MCF2L2: variants seen among roughly 807,000 people sequenced by gnomAD.
The protein encoded by MCF2L2 is probable guanine nucleotide exchange factor MCF2L2.
MCF2L2 carries 102 observed loss-of-function variants against 150.2 expected under a neutral mutation model. That is an observed-to-expected ratio of 0.68 (90% confidence interval 0.58 to 0.80). The LOEUF (loss-of-function observed/expected upper bound fraction) is 0.80. MCF2L2 is among the 30% of genes least tolerant of loss of function. The pLI is 0.00. For missense variants in MCF2L2, 1,256 were observed against 1,372.8 expected (o/e 0.91, Z 1.34); for synonymous variants, 465 against 491.3 (o/e 0.95, Z 0.71).
chr3:183,246,457 T>C (rs1431614108), intron 15 of MCF2L2, among the ~76,000 whole-genome samples: 1 of 152,254 alleles, frequency 6.6e-6, no homozygotes, highest in East Asian at 1.9e-4. Context: ...CTTTGGTGTC[T>C]GGCTTATTTC....
chr3:183,274,107 C>T (rs771554470), intron 15 of MCF2L2, among the ~76,000 whole-genome samples: 10 of 151,818 alleles, frequency 6.6e-5, no homozygotes, highest in Non-Finnish European at 1.5e-4. Context: ...CCCAACTACT[C>T]GGGAGGCTGA....
chr3:183,413,969 C>T (rs1715452461), intron 1 of MCF2L2, among the ~76,000 whole-genome samples: 2 of 152,222 alleles, frequency 1.3e-5, no homozygotes, highest in East Asian at 1.9e-4. Flanking sequence ...TAAGTGGACC[C>T]GTACAGTTCA....
At chr3:183,309,969 AT>A (rs375865149) in intron 9 of MCF2L2, 134 bp from the exon 10 acceptor site, 3,923 of 899,030 alleles carry the variant, frequency 4.4e-3, no homozygotes, top group South Asian at 6.3e-3. Flanking sequence ...TATGTTAAAA[AT>A]TTTTTTTTTG....
At chr3:183,368,641 G>A (rs1309332280) in intron 3 of MCF2L2, among the ~76,000 whole-genome samples, 3 of 152,178 alleles carry the variant, frequency 2.0e-5, no homozygotes, top group East Asian at 1.9e-4. Flanking sequence ...GCAGGTGGCT[G>A]TAATCCCAGC....
At chr3:183,343,371 AT>A (rs199910390) in intron 3 of MCF2L2, among the ~76,000 whole-genome samples, 29,418 of 140,670 alleles carry the variant, frequency 0.21, 2,802 homozygotes, top group East Asian at 0.27. Flanking sequence ...TGATAACTTG[AT>A]TTTTTTTTTT....
At chr3:183,325,092 G>A (rs1005122078) in intron 5 of MCF2L2, among the ~76,000 whole-genome samples, 1 of 121,178 alleles carries the variant, frequency 8.3e-6, no homozygotes, top group South Asian at 2.7e-4. Flanking sequence ...ACGGGAAGGG[G>A]AACATCATAC....
chr3:183,183,240 G>A (rs1318839631), intron 27 of MCF2L2, among the ~76,000 whole-genome samples: 1 of 152,162 alleles, frequency 6.6e-6, no homozygotes, highest in Non-Finnish European at 1.5e-5. Flanking sequence ...CAACTGATCT[G>A]CCCACCTCAG....
chr3:183,213,452 G>A (rs1249679690), intron 22 of MCF2L2, among the ~76,000 whole-genome samples: 1 of 151,836 alleles, frequency 6.6e-6, no homozygotes, highest in South Asian at 2.1e-4. Flanking sequence ...TTGTTTAATT[G>A]TGATAATTTA....
chr3:183,353,907 T>A (rs1348571688), intron 3 of MCF2L2, among the ~76,000 whole-genome samples: 1 of 152,104 alleles, frequency 6.6e-6, no homozygotes, highest in Non-Finnish European at 1.5e-5. Flanking sequence ...TCAGATTCCA[T>A]CCTCTCACCA....
At chr3:183,277,250 T>C (rs1026278012) in intron 14 of MCF2L2, among the ~76,000 whole-genome samples, 5 of 151,608 alleles carry the variant, frequency 3.3e-5, no homozygotes, top group African/African-American at 9.7e-5. Context: ...GGCAGGAGAA[T>C]TGCTCGAACC....
At chr3:183,233,836 T>C (rs1372018156) in intron 15 of MCF2L2, among the ~76,000 whole-genome samples, 2 of 152,222 alleles carry the variant, frequency 1.3e-5, no homozygotes, top group Admixed American at 1.3e-4. Flanking sequence ...GGTAATGATA[T>C]GTAAACCCTA....
chr3:183,204,168 T>C (rs1470201824), intron 25 of MCF2L2, among the ~76,000 whole-genome samples: 2 of 152,124 alleles, frequency 1.3e-5, no homozygotes, highest in African/African-American at 4.8e-5. Context: ...ATAAACTCTT[T>C]GCAAAGAACA....
At chr3:183,187,569 A>G (rs985830542) in intron 27 of MCF2L2, among the ~76,000 whole-genome samples, 5 of 152,050 alleles carry the variant, frequency 3.3e-5, no homozygotes, top group African/African-American at 1.2e-4. Context: ...CCTGAGTCCA[A>G]GTGATTCTCC....
chr3:183,234,507 A>G (rs891373241), intron 15 of MCF2L2, among the ~76,000 whole-genome samples: 6 of 152,192 alleles, frequency 3.9e-5, no homozygotes, highest in Admixed American at 2.6e-4. Flanking sequence ...AGTGCAAGAG[A>G]TAAAATGCCA....
Position 183,338,859 on chromosome 3 carries a change from T to C in MCF2L2, c.427A>G (p.Arg143Gly). The C allele has an allele frequency of 6.2e-7, 1 of 1,608,928 alleles. No individual in the cohort carries two copies. The highest frequency in any genetic ancestry group is 8.5e-7 in the Non-Finnish European group (1 of 1,176,206). ...FILRPSRFIQ[R>G]TFTDIGIKYY... ...TTAATGCCAATGTCAGTGAATGTCC[T>C]CTGGATAAAGCGAGATGGACGAAGG... Residue 143 changes from arginine (R) to glycine (G), a missense_variant, in exon 5 of 30, where the codon AGG becomes GGG. Coordinates refer to ENST00000328913, the MANE Select transcript of MCF2L2 (RefSeq NM_015078.4).
At chr3:183,298,230 C>A (rs979397404) in intron 11 of MCF2L2, 2 of 152,152 alleles carry the variant, frequency 1.3e-5, no homozygotes, top group Non-Finnish European at 2.9e-5. Flanking sequence ...CACTGAGACA[C>A]TTGAACAGAA....
intron 5 of MCF2L2, among the ~76,000 whole-genome samples, chr3:183,330,805 G>T (rs1428107703): frequency 1.3e-5 from 2 of 152,120 alleles, no homozygotes; most frequent in African/African-American, 2.4e-5. Flanking sequence ...GACACACTAA[G>T]CATGTAAAAC....
intron 3 of MCF2L2, chr3:183,374,871 A>T (rs1298873150): frequency 1.3e-5 from 2 of 152,062 alleles, no homozygotes; most frequent in East Asian, 3.9e-4. Context: ...CCCCTCAAGG[A>T]CATTTTGTTA....
At chr3:183,424,494 G>A (rs985660052) in intron 1 of MCF2L2, among the ~76,000 whole-genome samples, 2 of 152,152 alleles carry the variant, frequency 1.3e-5, no homozygotes, top group African/African-American at 2.4e-5. Context: ...CATCTATTCA[G>A]CAAACATTTA....
Sources: allele counts gnomAD v4.1 joint callset (sites outside exome capture counted in the v4.1 genomes callset), GRCh38; gene constraint gnomAD v4.1.1; transcripts MANE v1.5; gene names NCBI Gene and HGNC (gene_info 2026-07-23, HGNC 2026-07-21).